The following TTC13 variants were observed in gnomAD, a reference collection of about 807,000 sequenced individuals.
TTC13 encodes tetratricopeptide repeat protein 13.
A neutral mutation model predicts 120.0 loss-of-function variants in TTC13; 62 were observed. The ratio of observed to expected loss-of-function variants is 0.52; its 90% CI spans 0.42 to 0.64. The LOEUF is 0.64. Among genes scored for constraint, TTC13 ranks in the 30% least tolerant of loss-of-function variants. The pLI, the probability that TTC13 is intolerant of heterozygous loss-of-function variation, is 0.00. For synonymous variants in TTC13, 384 were observed against 393.5 expected (o/e 0.98, Z 0.28); for missense variants, 824 against 1,050.2 (o/e 0.78, Z 2.98).
chr1:230,934,451 G>A (rs987311711), intron 8 of TTC13, among the ~76,000 whole-genome samples: 6 of 152,250 alleles, frequency 3.9e-5, no homozygotes, highest in Admixed American at 1.3e-4. Flanking sequence ...AGCTTCCATC[G>A]GCCTAACACC....
At chr1:230,939,082 A>G (rs949168745) in intron 8 of TTC13, among the ~76,000 whole-genome samples, 5 of 152,254 alleles carry the variant, frequency 3.3e-5, no homozygotes, top group African/African-American at 7.2e-5. Flanking sequence ...TGCAGTTCCA[A>G]TGAATCTTTC....
At position 230,912,998 on chromosome 1, in the gene TTC13, G is replaced by C. The variant is rs148381843; in HGVS notation, c.2094-240C>G. Among the ~76,000 whole-genome samples, 733 of 152,286 alleles carry C rather than the reference G, an allele frequency of 4.8e-3. 8 individuals are homozygous for C. Among genetic ancestry groups the C allele is most frequent in the Non-Finnish European group, 5.8e-3 (395 of 68,022 alleles). ...CAGTAACTCATTTGCTCACAGTTAA[G>C]TCTAACTACATGTACTTATTACACA... On this transcript the variant is annotated intron_variant, in intron 18 of 22. Transcript: ENST00000366661.
At chr1:230,935,795 A>G (rs1673993971) in intron 8 of TTC13, among the ~76,000 whole-genome samples, 1 of 152,204 alleles carries the variant, frequency 6.6e-6, no homozygotes. Flanking sequence ...CAGGGAGCCA[A>G]TTAGGGAGTT....
chr1:230,947,974 T>G (rs1423475412), intron 4 of TTC13, among the ~76,000 whole-genome samples: 1 of 152,120 alleles, frequency 6.6e-6, no homozygotes, highest in Non-Finnish European at 1.5e-5. Flanking sequence ...CATCAGCCAC[T>G]GCCCTATTCT....
Position 230,978,808 on chromosome 1 carries a change from C to G in TTC13, c.23G>C (p.Cys8Ser), listed in dbSNP as rs1221878264. 5 of 1,493,106 alleles carry G rather than the reference C, an allele frequency of 3.3e-6. No individual in the cohort carries two copies. The highest frequency in any genetic ancestry group is 2.9e-5 in the African/African-American group (2 of 68,644). 92.5% of individuals were successfully genotyped at this position (1,493,106 alleles called of 1,614,324 possible). The change falls in exon 1 of 23, where the codon TGC becomes TCC. Residue 8 changes from cysteine (C) to serine (S), a missense_variant. By Grantham distance (112) the Cys-to-Ser change is moderately radical. This residue lies in a region of TTC13 where 160 missense variants were observed against 137.2 expected (regional missense o/e 1.17). Transcript: ENST00000366661. The surrounding 1 kb of genome is among the most constrained non-coding windows in gnomAD (Gnocchi z 5.6). ...AGCGCCGCCCCAGAAGCAGCAGCAG[C>G]AGCAGCAGCCGGCAGGTGCCATCTT... Reference protein sequence around the residue: MAPAGCCCCCCFWGGAVA... With the variant: MAPAGCCSCCCFWGGAVA...
In TTC13 at chr1:230,907,032, A is replaced by G; in HGVS notation, c.2469-13T>C. 7.3e-7 allele frequency: 1 copy of G among 1,372,232 alleles called. No homozygotes were observed. Among genetic ancestry groups the G allele is most frequent in the South Asian group, 1.4e-5 (1 of 69,724 alleles). 85.0% of individuals were successfully genotyped at this position (1,372,232 alleles called of 1,614,324 possible). On this transcript the variant is annotated splice_polypyrimidine_tract_variant and intron_variant, in intron 22 of 22. Coordinates refer to ENST00000366661, the MANE Select transcript of TTC13 (RefSeq NM_024525.5). ...AGAAGGTGAAATACTGAAAAAGAAA[A>G]ACACAAAGTAGCGGCATGAAAATTA...
At chr1:230,962,731 T>C (rs1407780061) in intron 1 of TTC13, among the ~76,000 whole-genome samples, 1 of 152,156 alleles carries the variant, frequency 6.6e-6, no homozygotes, top group Non-Finnish European at 1.5e-5. Context: ...TTTTGGTGTA[T>C]ACAGAGTAGA....
chr1:230,953,377 C>T (rs1030225481), intron 4 of TTC13, among the ~76,000 whole-genome samples: 1 of 152,190 alleles, frequency 6.6e-6, no homozygotes, highest in African/African-American at 2.4e-5. Flanking sequence ...AGTCTGCCTG[C>T]TAGACTGGAA....
intron 15 of TTC13, among the ~76,000 whole-genome samples, chr1:230,923,347 C>T (rs1270928225): frequency 1.3e-5 from 2 of 152,144 alleles, no homozygotes; most frequent in Non-Finnish European, 2.9e-5. Flanking sequence ...GCCAACCTGA[C>T]TTGCCCTCCC....
intron 1 of TTC13, among the ~76,000 whole-genome samples, chr1:230,969,071 G>A (rs1028133820): frequency 9.9e-5 from 15 of 152,078 alleles, no homozygotes; most frequent in African/African-American, 3.1e-4. Context: ...TCAGGAGATC[G>A]AGACCACGGT....
intron 1 of TTC13, among the ~76,000 whole-genome samples, chr1:230,963,634 C>CT (rs2102975851): frequency 9.9e-6 from 1 of 100,780 alleles, no homozygotes; most frequent in Admixed American, 1.1e-4. Context: ...GACCCTGTCT[C>CT]AAAATAAATA....
chr1:230,958,960 A>AC (rs1415288229), intron 2 of TTC13, among the ~76,000 whole-genome samples: 3 of 152,110 alleles, frequency 2.0e-5, no homozygotes, highest in Non-Finnish European at 4.4e-5. Flanking sequence ...GTGCCACTGT[A>AC]CCCCCAGCCT....
At chr1:230,918,870 A>C (rs948407650) in intron 17 of TTC13, among the ~76,000 whole-genome samples, 1 of 152,212 alleles carries the variant, frequency 6.6e-6, no homozygotes, top group Non-Finnish European at 1.5e-5. Context: ...TACATGAATC[A>C]ATCTCATCTA....
At chr1:230,918,876 A>G (rs1672298126) in intron 17 of TTC13, among the ~76,000 whole-genome samples, 1 of 152,150 alleles carries the variant, frequency 6.6e-6, no homozygotes, top group Non-Finnish European at 1.5e-5. Flanking sequence ...AATCAATCTC[A>G]TCTACTATAG....
intron 18 of TTC13, among the ~76,000 whole-genome samples, chr1:230,915,625 G>A (rs569688880): frequency 4.6e-5 from 7 of 152,288 alleles, no homozygotes; most frequent in Non-Finnish European, 8.8e-5. Context: ...GGAAATGATT[G>A]TGATAATGTA....
chr1:230,920,925 C>T (rs1672517843), intron 16 of TTC13, among the ~76,000 whole-genome samples: 1 of 152,142 alleles, frequency 6.6e-6, no homozygotes, highest in Non-Finnish European at 1.5e-5. Flanking sequence ...TTTTCCTATT[C>T]CAGCTCTAAA....
chr1:230,939,117 G>A (rs1674330405), intron 8 of TTC13, among the ~76,000 whole-genome samples: 1 of 152,168 alleles, frequency 6.6e-6, no homozygotes, highest in African/African-American at 2.4e-5. Context: ...AAAGCACTTT[G>A]TTTATATTAC....
chr1:230,962,412 A>T (rs1187148333), intron 1 of TTC13, among the ~76,000 whole-genome samples: 1 of 152,188 alleles, frequency 6.6e-6, no homozygotes, highest in Non-Finnish European at 1.5e-5. Flanking sequence ...CTCTTCACAC[A>T]CACACACTAG....
intron 18 of TTC13, among the ~76,000 whole-genome samples, chr1:230,915,376 A>G (rs1213695166): frequency 6.9e-6 from 1 of 144,134 alleles, no homozygotes; most frequent in Non-Finnish European, 1.5e-5. Flanking sequence ...GTGTGTGTGC[A>G]CAGCTCAAGG....
Sources: allele counts gnomAD v4.1 joint callset (sites outside exome capture counted in the v4.1 genomes callset), GRCh38; gene constraint gnomAD v4.1.1; regional missense constraint gnomAD v4.1.1; non-coding constraint Gnocchi (gnomAD v3.1); transcripts MANE v1.5; gene names NCBI Gene and HGNC (gene_info 2026-07-23, HGNC 2026-07-21).